Variants in DOCK6 observed in about 807,000 individuals in gnomAD.
DOCK6 encodes dedicator of cytokinesis 6.
Under a neutral mutation model 230.3 loss-of-function variants are expected in DOCK6, and 167 were observed. That is an observed-to-expected ratio of 0.73 (90% confidence interval 0.64 to 0.82). The LOEUF is 0.82. Among genes scored for constraint, DOCK6 ranks in the 40% least tolerant of loss-of-function variants. The pLI is 0.00. For synonymous variants in DOCK6, 1,148 were observed against 1,185.0 expected, an observed-to-expected ratio of 0.97 and a Z score of 0.64; for missense variants, 2,598 against 2,825.8, an observed-to-expected ratio of 0.92 and a Z score of 1.83.
chr19:11,260,892 A>AAAAAAAAAAAAAAAAAAAAAG (rs1423289379), intron 1 of DOCK6, among the ~76,000 whole-genome samples: 3 of 148,484 alleles, frequency 2.0e-5, no homozygotes, highest in African/African-American at 7.6e-5. Context: ...CAAAAAAAAA[A>AAAAAAAAAAAAAAAAAAAAAG]AAAGAAAGAA....
chr19:11,238,908 A>G, intron 14 of DOCK6: 1 of 155,518 alleles, frequency 6.4e-6, no homozygotes, highest in Non-Finnish European at 1.4e-5. Flanking sequence ...AACAACAATG[A>G]CAATAATTGC....
chr19:11,231,473 A>G (rs1246994195), intron 22 of DOCK6, among the ~76,000 whole-genome samples: 3 of 152,124 alleles, frequency 2.0e-5, no homozygotes, highest in Non-Finnish European at 4.4e-5. Context: ...TATTTCCCCA[A>G]CTAGCTGGAA....
rs910989677 is a variant in DOCK6, at chr19:11,246,071, G to GT, written c.807-194dup. Among the ~76,000 whole-genome samples, 381 of 143,996 alleles carry GT rather than the reference G, an allele frequency of 2.6e-3. 2 individuals are homozygous for GT. The highest frequency in any genetic ancestry group is 0.02 in the East Asian group (100 of 4,986). The allele number at this position is 143,996 out of a possible 152,430, so 94.5% of individuals were successfully genotyped here. A position where few individuals can be genotyped will look rare whatever the true frequency, so the allele number is the denominator to read the frequency against. On this transcript the variant is annotated intron_variant, in intron 7 of 47. Coordinates refer to ENST00000294618, the MANE Select transcript of DOCK6 (RefSeq NM_020812.4). ...ACTGAGGCACTGAAGTTTTTTGTTGGTTTTTTTTTTTTTGAGACAGAGTCT... is the reference window on the plus strand; with the variant it reads ...ACTGAGGCACTGAAGTTTTTTGTTGGTTTTTTTTTTTTTTGAGACAGAGTCT...
chr19:11,216,879 G>A (rs1436109856), intron 30 of DOCK6, 35 bp downstream of exon 30: 7 of 1,607,010 alleles, frequency 4.4e-6, no homozygotes, highest in Non-Finnish European at 6.0e-6. Flanking sequence ...TCCTTAGCCT[G>A]CCTCCTCCAT....
At chr19:11,228,028 T>G (rs1392440415) in intron 23 of DOCK6, among the ~76,000 whole-genome samples, 1 of 151,174 alleles carries the variant, frequency 6.6e-6, no homozygotes, top group East Asian at 1.9e-4. Flanking sequence ...TTTTTTTTTT[T>G]TTGAGATGGA....
At chr19:11,220,800 GA>G (rs982546115) in intron 28 of DOCK6, among the ~76,000 whole-genome samples, 57 of 149,836 alleles carry the variant, frequency 3.8e-4, no homozygotes, top group African/African-American at 1.3e-3. Context: ...TTTTACACTG[GA>G]AAAAAATATA....
intron 14 of DOCK6, chr19:11,241,385 G>GCTCT (rs2079940931): frequency 9.2e-7 from 1 of 1,085,246 alleles, no homozygotes; most frequent in Non-Finnish European, 1.4e-6. Context: ...CTGGGGCAGA[G>GCTCT]GGTCAGGGGA....
chr19:11,226,708 G>T (rs2079670635), intron 24 of DOCK6, among the ~76,000 whole-genome samples: 1 of 152,122 alleles, frequency 6.6e-6, no homozygotes, highest in Non-Finnish European at 1.5e-5. Context: ...AAAATGCTTA[G>T]ATATACAGTA....
chr19:11,250,741 C>A (rs2080104364), intron 6 of DOCK6, 133 bp downstream of exon 6: 1 of 892,082 alleles, frequency 1.1e-6, no homozygotes, highest in Non-Finnish European at 1.7e-6. Context: ...AGTAGGTGCC[C>A]AATAAACACT....
intron 30 of DOCK6, chr19:11,216,274 G>A (rs1051577296): frequency 5.1e-6 from 1 of 194,282 alleles, no homozygotes; most frequent in African/African-American, 2.4e-5. Flanking sequence ...TTTTCGTAGA[G>A]ATGGGGTTTT....
At chr19:11,245,517 A>C (rs1172551430) in intron 9 of DOCK6, 46 bp downstream of exon 9, 1 of 1,508,032 alleles carries the variant, frequency 6.6e-7, no homozygotes, top group East Asian at 2.5e-5. Flanking sequence ...GGACTAAATC[A>C]GTGACATTCG....
chr19:11,251,171 T>A, intron 5 of DOCK6, 85 bp from the exon 6 acceptor site: 1 of 1,361,994 alleles, frequency 7.3e-7, no homozygotes, highest in Non-Finnish European at 1.0e-6. Flanking sequence ...ATACTCATTC[T>A]AGAGATGGGG....
intron 1 of DOCK6, among the ~76,000 whole-genome samples, chr19:11,254,514 G>C (rs1167539617): frequency 2.6e-5 from 4 of 152,012 alleles, no homozygotes; most frequent in Non-Finnish European, 5.9e-5. Context: ...GCCAACAAGG[G>C]GAAACCCTGC....
intron 14 of DOCK6, chr19:11,240,164 A>G: frequency 6.4e-7 from 1 of 1,552,310 alleles, no homozygotes; most frequent in Non-Finnish European, 8.7e-7. Context: ...AGCTGCAGGC[A>G]GAGGCCACAG....
intron 14 of DOCK6, among the ~76,000 whole-genome samples, chr19:11,239,186 C>T (rs2079899945): frequency 1.3e-5 from 2 of 152,114 alleles, no homozygotes; most frequent in Admixed American, 6.6e-5. Flanking sequence ...CCTGCACCTG[C>T]CCCCTTGGAT....
rs1285316981 is a variant in DOCK6, at chr19:11,236,990, G to A, written c.2074-111C>T. On this transcript the variant is annotated intron_variant, in intron 18 of 47. Transcript: ENST00000294618. The surrounding 1 kb of genome is among the most constrained non-coding windows in gnomAD (Gnocchi z 5.2). ...CAGCGTGAGTGTAGCCCGGTCTGGG[G>A]GTGCAGCCAAGCACCCTGCCCCCAG... 2.5e-6 allele frequency: 3 copies of A among 1,183,634 alleles called. No homozygotes were observed. The African/African-American group carries it at 4.6e-5, about 18-fold the overall frequency. 73.3% of individuals were successfully genotyped at this position (1,183,634 alleles called of 1,614,324 possible).
intron 7 of DOCK6, among the ~76,000 whole-genome samples, chr19:11,246,710 G>A (rs184608615): frequency 3.9e-5 from 6 of 152,214 alleles, no homozygotes; most frequent in East Asian, 1.9e-4. Context: ...CTCAACTTCC[G>A]GGTTTCCCCA....
intron 28 of DOCK6, among the ~76,000 whole-genome samples, chr19:11,217,760 A>C (rs76797127): frequency 6.7e-6 from 1 of 149,772 alleles, no homozygotes; most frequent in African/African-American, 2.4e-5. Flanking sequence ...TCTGTCTCAA[A>C]AAAAAAAAAA....
chr19:11,261,225 C>T (rs995126817), intron 1 of DOCK6, among the ~76,000 whole-genome samples: 3 of 152,064 alleles, frequency 2.0e-5, no homozygotes, highest in African/African-American at 7.2e-5. Context: ...ACCCTTCCCA[C>T]TCTTTCCCCC....
Sources: allele counts gnomAD v4.1 joint callset (sites outside exome capture counted in the v4.1 genomes callset), GRCh38; gene constraint gnomAD v4.1.1; non-coding constraint Gnocchi (gnomAD v3.1); transcripts MANE v1.5; gene names NCBI Gene and HGNC (gene_info 2026-07-23, HGNC 2026-07-21).